The following CNTNAP2 variants were observed in gnomAD, a reference collection of about 807,000 sequenced individuals.
CNTNAP2 encodes contactin associated protein 2, also known as contactin-associated protein-like 2.
Under a neutral mutation model 155.2 loss-of-function variants are expected in CNTNAP2, and 98 were observed. The ratio of observed to expected loss-of-function variants is 0.63; its 90% CI spans 0.54 to 0.75. The LOEUF is 0.75. Among genes scored for constraint, CNTNAP2 ranks in the 30% least tolerant of loss-of-function variants. CNTNAP2 has a pLI of 0.00. For synonymous variants in CNTNAP2, 651 were observed against 631.2 expected, an observed-to-expected ratio of 1.03 and a Z score of -0.47; for missense variants, 1,727 against 1,688.1, an observed-to-expected ratio of 1.02 and a Z score of -0.40.
At chr7:148,014,907 A>T (rs1802147563) in intron 15 of CNTNAP2, among the ~76,000 whole-genome samples, 1 of 152,226 alleles carries the variant, frequency 6.6e-6, no homozygotes, top group South Asian at 2.1e-4. Flanking sequence ...CCCAGCTGAG[A>T]GAGAAGGCTT....
chr7:146,699,765 C>T (rs764373855), intron 1 of CNTNAP2, among the ~76,000 whole-genome samples: 21 of 151,914 alleles, frequency 1.4e-4, no homozygotes, highest in East Asian at 7.8e-4. Flanking sequence ...ATCAGGAATT[C>T]GAGACCAGCC....
intron 10 of CNTNAP2, among the ~76,000 whole-genome samples, chr7:147,482,543 C>G (rs1041144725): frequency 2.6e-5 from 4 of 151,108 alleles, no homozygotes; most frequent in Non-Finnish European, 4.4e-5. Context: ...ACAGTGAAAC[C>G]CCGTCCCTAC....
rs540201012 is a variant in CNTNAP2 at position 147,204,664 on chromosome 7, GGTAAT to G, written c.1348+72164_1348+72168del. Among the ~76,000 whole-genome samples the G allele has an allele frequency of 1.6e-4, 24 of 152,140 alleles. No individual in the cohort carries two copies. The South Asian group carries it at 2.9e-3, about 18-fold the overall frequency. ...GATGATTTATATTTATGATTTTATA[GGTAAT>G]GTAATGTATCAATATTGCTTCATTA... is the stretch of plus-strand genomic sequence containing the variant. On this transcript the variant is annotated intron_variant, in intron 8 of 23. Coordinates refer to ENST00000361727, the MANE Select transcript of CNTNAP2 (RefSeq NM_014141.6).
Position 146,530,616 on chromosome 7 carries a change from T to G in CNTNAP2, c.98-243655T>G, listed in dbSNP as rs534256944. ...GGCATACACGTGGCCAAAAGGCAAA[T>G]GAAAAATGCTGAACATCACTAATCA... On this transcript the variant is annotated intron_variant, in intron 1 of 23. Coordinates refer to ENST00000361727, the MANE Select transcript of CNTNAP2 (RefSeq NM_014141.6). 3.3e-5 allele frequency among the ~76,000 whole-genome samples: 5 copies of G among 152,114 alleles called. No homozygotes were observed. The South Asian group carries it at 1.0e-3, about 32-fold the overall frequency.
chr7:146,567,340 C>T (rs990766670), intron 1 of CNTNAP2, among the ~76,000 whole-genome samples: 1 of 151,916 alleles, frequency 6.6e-6, no homozygotes, highest in Non-Finnish European at 1.5e-5. Context: ...ATAAAAGGAA[C>T]AATTAGTAGA....
chr7:147,544,839 C>G (rs1799703068), intron 11 of CNTNAP2, among the ~76,000 whole-genome samples: 2 of 152,268 alleles, frequency 1.3e-5, no homozygotes, highest in Middle Eastern at 3.4e-3. Context: ...TTGCTTGGCT[C>G]TCATTCTCTC....
chr7:147,574,190 C>T (rs999540502), intron 12 of CNTNAP2, among the ~76,000 whole-genome samples: 6 of 152,060 alleles, frequency 3.9e-5, no homozygotes, highest in Non-Finnish European at 8.8e-5. Flanking sequence ...TCTATTACTG[C>T]TTTATGAATG....
In CNTNAP2 at chr7:147,594,570, A is replaced by T. The variant is rs530579321; in HGVS notation, c.1897+32313A>T. Among the ~76,000 whole-genome samples, 16 of 152,274 alleles carry T rather than the reference A, an allele frequency of 1.1e-4. No individual in the cohort carries two copies. In the South Asian group the frequency reaches 1.7e-3, roughly 16 times the overall value. On this transcript the variant is annotated intron_variant, in intron 12 of 23. Coordinates refer to ENST00000361727, the MANE Select transcript of CNTNAP2 (RefSeq NM_014141.6). ...AGAAAATGCTTTGAAATACTATCTG[A>T]TCTGCTTATTTTCTGGGTTTTCGCC...
intron 1 of CNTNAP2, among the ~76,000 whole-genome samples, chr7:146,711,288 TAAAC>T (rs1302876705): frequency 1.3e-3 from 183 of 146,180 alleles, no homozygotes; most frequent in African/African-American, 2.1e-3. Context: ...ATAGAAAACA[TAAAC>T]ATACATATAT....
intron 3 of CNTNAP2, among the ~76,000 whole-genome samples, chr7:146,927,398 G>A (rs553167066): frequency 6.6e-6 from 1 of 152,118 alleles, no homozygotes; most frequent in African/African-American, 2.4e-5. Context: ...AAGTAAATCT[G>A]ATTTAAAAAG....
intron 1 of CNTNAP2, among the ~76,000 whole-genome samples, chr7:146,515,222 G>C (rs1055866729): frequency 2.6e-5 from 4 of 151,876 alleles, no homozygotes; most frequent in African/African-American, 9.7e-5. Context: ...TCCTCCTACA[G>C]GCTTTCAAAA....
At position 147,083,563 on chromosome 7, in the gene CNTNAP2, T is replaced by C. The variant is rs13312109; in HGVS notation, c.551-24584T>C. Among the ~76,000 whole-genome samples, 78 of 136,170 alleles carry C rather than the reference T, an allele frequency of 5.7e-4. 1 individual carries two copies. Among genetic ancestry groups the C allele is most frequent in the Admixed American group, 1.2e-3 (16 of 13,780 alleles). 89.3% of individuals were successfully genotyped at this position (136,170 alleles called of 152,430 possible). A position where few individuals can be genotyped will look rare whatever the true frequency, so the allele number is the denominator to read the frequency against. ...ATATATATATATGTATATATATATA[T>C]ACACATATATATGTATATATATATA... is the stretch of plus-strand genomic sequence containing the variant. On this transcript the variant is annotated intron_variant, in intron 4 of 23. Transcript: ENST00000361727.
chr7:147,931,977 C>G lies in CNTNAP2; in HGVS notation c.2255+28256C>G, dbSNP rs145413383. ...CTCAGCTCACTGCAACCTCCGCCTC[C>G]CGTGCTCAGGCGATCCTCCTGCCTC... On this transcript the variant is annotated intron_variant, in intron 14 of 23. Coordinates refer to ENST00000361727, the MANE Select transcript of CNTNAP2 (RefSeq NM_014141.6). 6.5e-3 allele frequency among the ~76,000 whole-genome samples: 991 copies of G among 152,184 alleles called. 9 individuals are homozygous for G. The highest frequency in any genetic ancestry group is 0.023 in the African/African-American group (955 of 41,496).
chr7:147,366,912 T>A (rs1483197089), intron 9 of CNTNAP2, among the ~76,000 whole-genome samples: 6 of 152,194 alleles, frequency 3.9e-5, no homozygotes, highest in Non-Finnish European at 7.3e-5. Context: ...ATATCCACTT[T>A]CGTAAAAGTT....
intron 1 of CNTNAP2, among the ~76,000 whole-genome samples, chr7:146,577,171 T>G (rs1798538053): frequency 6.6e-6 from 1 of 152,116 alleles, no homozygotes; most frequent in Non-Finnish European, 1.5e-5. Flanking sequence ...GTAATGCTTT[T>G]GCTAGTTAAA....
At chr7:146,657,810 A>G (rs928607723) in intron 1 of CNTNAP2, among the ~76,000 whole-genome samples, 4 of 152,160 alleles carry the variant, frequency 2.6e-5, no homozygotes, top group African/African-American at 9.6e-5. Context: ...TTTGTCAAAG[A>G]AACCTTTTAG....
chr7:146,619,113 A>T (rs184103629), intron 1 of CNTNAP2, among the ~76,000 whole-genome samples: 1 of 152,086 alleles, frequency 6.6e-6, no homozygotes, highest in Admixed American at 6.5e-5. Flanking sequence ...ATAATAAAAA[A>T]GTCACTTTAA....
At chr7:147,440,098 A>G (rs999966330) in intron 10 of CNTNAP2, among the ~76,000 whole-genome samples, 11 of 151,822 alleles carry the variant, frequency 7.2e-5, no homozygotes, top group African/African-American at 2.7e-4. Context: ...TACTCCTGCC[A>G]TTTTGTTCTT....
chr7:146,840,521 CTTTG>C (rs1459967371), intron 3 of CNTNAP2, among the ~76,000 whole-genome samples: 5 of 152,026 alleles, frequency 3.3e-5, no homozygotes, highest in Non-Finnish European at 2.9e-5. Flanking sequence ...AAGTGTTCTA[CTTTG>C]TTTAATTATT....
Sources: allele counts gnomAD v4.1 joint callset (sites outside exome capture counted in the v4.1 genomes callset), GRCh38; gene constraint gnomAD v4.1.1; transcripts MANE v1.5; gene names NCBI Gene and HGNC (gene_info 2026-07-23, HGNC 2026-07-21).